CDKN2B-AS1: variants seen among roughly 807,000 people sequenced by gnomAD.
CDKN2B-AS1 encodes CDKN2B and CDKN2A antisense cis and trans regulatory RNA 1, also known as CDKN2B antisense RNA 1 (non-protein coding).
chr9:22,008,897 G>A, intron 1 of CDKN2B-AS1: 1 of 1,612,850 alleles, frequency 6.2e-7, no homozygotes, highest in Non-Finnish European at 8.5e-7. Flanking sequence ...CCGCGGCGCT[G>A]GCCAGACCCT....
At chr9:22,020,080 G>A (rs571200478) in intron 1 of CDKN2B-AS1, among the ~76,000 whole-genome samples, 2 of 152,100 alleles carry the variant, frequency 1.3e-5, no homozygotes, top group African/African-American at 4.8e-5. Context: ...GTGTTCATGT[G>A]TTCTCATCAT....
At chr9:22,115,284 G>T (rs1296495760) in intron 4 of CDKN2B-AS1, among the ~76,000 whole-genome samples, 1 of 152,178 alleles carries the variant, frequency 6.6e-6, no homozygotes, top group Admixed American at 6.5e-5. Context: ...AAGGAGGGAA[G>T]ACTGGGGAAG....
At position 22,041,378 on chromosome 9, in the gene CDKN2B-AS1, G is replaced by A. The variant is rs552420243; in HGVS notation, n.30-5373G>A. 5.3e-5 allele frequency among the ~76,000 whole-genome samples: 8 copies of A among 152,062 alleles called. No individual in the cohort carries two copies. The South Asian group carries it at 1.2e-3, about 24-fold the overall frequency. On this transcript the variant is annotated intron_variant and non_coding_transcript_variant, in intron 1 of 4. Transcript: ENST00000650946. ...TCTAGCTGTTGAGATCCTCCTGTGC[G>A]ATATTTTTCAAAGTGAAAACTCCAA...
chr9:22,095,138 A>G (rs922471800), intron 4 of CDKN2B-AS1, among the ~76,000 whole-genome samples: 1 of 144,646 alleles, frequency 6.9e-6, no homozygotes, highest in Non-Finnish European at 1.5e-5. Flanking sequence ...ATGTTGCTGA[A>G]CAGCAAATGT....
chr9:22,111,612 G>A (rs933690466), intron 4 of CDKN2B-AS1, among the ~76,000 whole-genome samples: 2 of 152,098 alleles, frequency 1.3e-5, no homozygotes, highest in African/African-American at 4.8e-5. Context: ...TTAGGAATAT[G>A]AGTAGAAATA....
intron 4 of CDKN2B-AS1, among the ~76,000 whole-genome samples, chr9:22,062,986 C>CACACACACATATATAT (rs374229516): frequency 7.3e-6 from 1 of 136,772 alleles, no homozygotes; most frequent in African/African-American, 2.7e-5. Context: ...GACACACACA[C>CACACACACATATATAT]ATATATATAT....
intron 4 of CDKN2B-AS1, among the ~76,000 whole-genome samples, chr9:22,073,046 G>C (rs1824359883): frequency 6.6e-6 from 1 of 152,060 alleles, no homozygotes; most frequent in Non-Finnish European, 1.5e-5. Context: ...TTTTTGCACA[G>C]TGAAAATTGT....
At chr9:22,042,913 G>T (rs1822956950) in intron 1 of CDKN2B-AS1, among the ~76,000 whole-genome samples, 1 of 152,016 alleles carries the variant, frequency 6.6e-6, no homozygotes, top group African/African-American at 2.4e-5. Context: ...GTGTTTTCAT[G>T]ACTATGAAAT....
chr9:22,095,883 G>GT (rs1197555622), intron 4 of CDKN2B-AS1, among the ~76,000 whole-genome samples: 2 of 151,234 alleles, frequency 1.3e-5, no homozygotes, highest in African/African-American at 4.9e-5. Context: ...TTTAAAGTCT[G>GT]TTTTATCAGA....
chr9:22,003,789 A>G (rs1368002172), intron 1 of CDKN2B-AS1: 2 of 232,184 alleles, frequency 8.6e-6, no homozygotes, highest in East Asian at 6.1e-5. Flanking sequence ...ATTTTAAAAT[A>G]GTTTTCAAAC....
intron 1 of CDKN2B-AS1, among the ~76,000 whole-genome samples, chr9:22,044,118 T>C (rs1823012578): frequency 6.6e-6 from 1 of 152,028 alleles, no homozygotes; most frequent in Non-Finnish European, 1.5e-5. Context: ...AGTCAAGCTT[T>C]TTTTCGCCTA....
chr9:22,083,298 G>A (rs1824760292), intron 4 of CDKN2B-AS1, among the ~76,000 whole-genome samples: 1 of 152,160 alleles, frequency 6.6e-6, no homozygotes, highest in South Asian at 2.1e-4. Context: ...AATGGATCTG[G>A]AAGCACTGGG....
chr9:22,012,270 A>T, intron 1 of CDKN2B-AS1: 1 of 1,460,774 alleles, frequency 6.8e-7, no homozygotes, highest in South Asian at 1.1e-5. Context: ...ATCCCCCCTG[A>T]CAAGCAGCGT....
At chr9:22,021,376 C>A (rs777051124) in intron 1 of CDKN2B-AS1, among the ~76,000 whole-genome samples, 1 of 152,048 alleles carries the variant, frequency 6.6e-6, no homozygotes, top group Non-Finnish European at 1.5e-5. Context: ...CAGCTTTGTT[C>A]TTTCTGCTTA....
chr9:22,047,199 C>T (rs1344267713), intron 2 of CDKN2B-AS1, among the ~76,000 whole-genome samples: 1 of 152,036 alleles, frequency 6.6e-6, no homozygotes, highest in Non-Finnish European at 1.5e-5. Flanking sequence ...TTCTTTTCTC[C>T]TCTTTATTTT....
intron 3 of CDKN2B-AS1, among the ~76,000 whole-genome samples, chr9:22,054,668 C>CT (rs1267869467): frequency 6.7e-6 from 1 of 148,608 alleles, no homozygotes; most frequent in African/African-American, 2.5e-5. Context: ...GTTCTTTCAG[C>CT]TTTTTTTATT....
intron 3 of CDKN2B-AS1, among the ~76,000 whole-genome samples, chr9:22,051,083 C>T (rs1440963313): frequency 6.6e-6 from 1 of 152,168 alleles, no homozygotes; most frequent in Non-Finnish European, 1.5e-5. Context: ...TGGCTTCATC[C>T]TGTTTCAGAG....
Position 21,996,069 on chromosome 9 carries a change from C to G in CDKN2B-AS1, n.29+908C>G, listed in dbSNP as rs1315144418. The G allele has an allele frequency of 1.3e-5, 2 of 152,422 alleles. No homozygotes were observed. Among genetic ancestry groups the G allele is most frequent in the African/African-American group, 4.8e-5 (2 of 41,456 alleles). The allele number at this position is 152,422 out of a possible 1,614,324, so 9.4% of individuals were successfully genotyped here. A position where few individuals can be genotyped will look rare whatever the true frequency, so the allele number is the denominator to read the frequency against. On this transcript the variant is annotated intron_variant and non_coding_transcript_variant, in intron 1 of 4. Coordinates refer to ENST00000650946, the Ensembl canonical transcript of CDKN2B-AS1. The surrounding 1 kb of genome is among the most constrained non-coding windows in gnomAD (Gnocchi z 5.4). ...CACAGCGTGAGCCGACAGGGCCTTA[C>G]AGATCAGACGTCAAGCCCCCCAGAC...
chr9:22,064,898 G>T (rs1186974593), intron 4 of CDKN2B-AS1, among the ~76,000 whole-genome samples: 2 of 152,222 alleles, frequency 1.3e-5, no homozygotes, highest in Non-Finnish European at 2.9e-5. Context: ...CATCCTTGGA[G>T]TTGTGAGGAT....
Sources: allele counts gnomAD v4.1 joint callset (sites outside exome capture counted in the v4.1 genomes callset), GRCh38; gene constraint gnomAD v4.1.1; non-coding constraint Gnocchi (gnomAD v3.1); transcripts MANE v1.5; gene names NCBI Gene and HGNC (gene_info 2026-07-23, HGNC 2026-07-21).